The following RGS8 variants were observed in gnomAD, a reference collection of about 807,000 sequenced individuals.
RGS8 encodes the protein regulator of G-protein signaling 8.
RGS8 carries 8 observed loss-of-function variants against 21.7 expected under a neutral mutation model. The ratio of observed to expected loss-of-function variants is 0.37; its 90% CI spans 0.22 to 0.66. The LOEUF (loss-of-function observed/expected upper bound fraction) is 0.66. Ranked by LOEUF, RGS8 falls within the 30% of genes least tolerant of loss-of-function variation. The pLI, the probability that RGS8 is intolerant of heterozygous loss-of-function variation, is 0.59. For synonymous variants in RGS8, 80 were observed against 83.6 expected (o/e 0.96, Z 0.24); for missense variants, 157 against 217.9 (o/e 0.72, Z 1.76).
the RGS8 span, among the ~76,000 whole-genome samples, chr1:182,690,694 A>T: frequency 6.6e-6 from 1 of 152,340 alleles, no homozygotes; most frequent in Admixed American, 6.5e-5. Context: ...ATACCTCGTG[A>T]TTTGATAAAA....
chr1:182,669,277 C>G (rs1664034152), intron 3 of RGS8, among the ~76,000 whole-genome samples: 2 of 152,212 alleles, frequency 1.3e-5, no homozygotes, highest in Admixed American at 1.3e-4. Context: ...TTTCCCTCAT[C>G]TTTCTCCTTT....
chr1:182,752,334 C>T, the RGS8 span, among the ~76,000 whole-genome samples: 1 of 152,180 alleles, frequency 6.6e-6, no homozygotes, highest in African/African-American at 2.4e-5. Flanking sequence ...CGGCCACAGA[C>T]GAGACACAGG....
intron 1 of RGS8, among the ~76,000 whole-genome samples, chr1:182,683,387 C>T (rs1173774868): frequency 6.6e-6 from 1 of 152,170 alleles, no homozygotes; most frequent in African/African-American, 2.4e-5. Context: ...GCCAGCACCT[C>T]CTCCATTTTC....
intron 5 of RGS8, among the ~76,000 whole-genome samples, chr1:182,651,931 G>A (rs1557884242): frequency 6.6e-6 from 1 of 152,220 alleles, no homozygotes; most frequent in African/African-American, 2.4e-5. Flanking sequence ...TCTGAGCAGT[G>A]ACCAGTCCAC....
At chr1:182,695,956 G>C in the RGS8 span, among the ~76,000 whole-genome samples, 1 of 152,182 alleles carries the variant, frequency 6.6e-6, no homozygotes, top group Non-Finnish European at 1.5e-5. Flanking sequence ...CCCATATATA[G>C]TGCTCAATAT....
the RGS8 span, among the ~76,000 whole-genome samples, chr1:182,706,061 C>A: frequency 1.3e-5 from 2 of 152,178 alleles, no homozygotes; most frequent in African/African-American, 4.8e-5. Flanking sequence ...CGGGTCCCCG[C>A]AACCTCTGCC....
the RGS8 span, among the ~76,000 whole-genome samples, chr1:182,713,936 A>G: frequency 0.014 from 2,165 of 152,368 alleles, 62 homozygotes; most frequent in African/African-American, 0.049. Flanking sequence ...AGTACACATT[A>G]TCATGATACC....
upstream of RGS8, among the ~76,000 whole-genome samples, chr1:182,676,632 T>C (rs1208308156): frequency 2.0e-5 from 3 of 152,218 alleles, no homozygotes; most frequent in Non-Finnish European, 4.4e-5. Context: ...AGCATCCACA[T>C]ATTTAATTTG....
At chr1:182,720,958 CATATGTGTGT>C in the RGS8 span, among the ~76,000 whole-genome samples, 9 of 31,682 alleles carry the variant, frequency 2.8e-4, 1 homozygote, top group Admixed American at 7.3e-4. Context: ...TATATACATA[CATATGTGTGT>C]ATATATACAT....
chr1:182,701,974 C>T, the RGS8 span, among the ~76,000 whole-genome samples: 3 of 152,164 alleles, frequency 2.0e-5, no homozygotes, highest in East Asian at 1.9e-4. Context: ...ATAACACTTA[C>T]ACACTATTGG....
intron 1 of RGS8, 90 bp from the exon 3 acceptor site, chr1:182,671,820 A>T: frequency 6.2e-7 from 1 of 1,603,682 alleles, no homozygotes; most frequent in Non-Finnish European, 8.5e-7. Flanking sequence ...ACACACACAC[A>T]TATACACACA....
the RGS8 span, among the ~76,000 whole-genome samples, chr1:182,693,044 A>G: frequency 6.6e-6 from 1 of 152,254 alleles, no homozygotes; most frequent in Non-Finnish European, 1.5e-5. Context: ...AATCTAGGAA[A>G]TATCATTCTG....
intron 4 of RGS8, among the ~76,000 whole-genome samples, 164 bp downstream of exon 5, chr1:182,666,708 G>T (rs1663880131): frequency 6.6e-6 from 1 of 151,198 alleles, no homozygotes; most frequent in South Asian, 2.1e-4. Flanking sequence ...TATACGTTTT[G>T]AAAAGGAAAA....
chr1:182,696,626 A>G, the RGS8 span, among the ~76,000 whole-genome samples: 39 of 152,222 alleles, frequency 2.6e-4, no homozygotes, highest in Admixed American at 6.5e-4. Context: ...CTGGGATTAT[A>G]GGCGTGAGCC....
At chr1:182,729,508 A>G in the RGS8 span, among the ~76,000 whole-genome samples, 2 of 152,368 alleles carry the variant, frequency 1.3e-5, no homozygotes, top group Admixed American at 6.5e-5. Context: ...ATAATAAGTC[A>G]GAATTCTATG....
the RGS8 span, among the ~76,000 whole-genome samples, chr1:182,708,696 A>C: frequency 6.6e-6 from 1 of 152,262 alleles, no homozygotes; most frequent in Non-Finnish European, 1.5e-5. Flanking sequence ...AACCCGGCCA[A>C]GAACAACAGA....
chr1:182,692,006 CTTTT>C, the RGS8 span, among the ~76,000 whole-genome samples: 6 of 138,236 alleles, frequency 4.3e-5, no homozygotes, highest in Admixed American at 2.2e-4. Flanking sequence ...GTTAGCATTT[CTTTT>C]TTTTTTTTTT....
chr1:182,738,275 C>G, the RGS8 span, among the ~76,000 whole-genome samples: 1 of 152,196 alleles, frequency 6.6e-6, no homozygotes, highest in Non-Finnish European at 1.5e-5. Flanking sequence ...AGTTGTTTAA[C>G]TTCTCTGAGC....
chr1:182,675,855 A>G (rs1664339363), upstream of RGS8, among the ~76,000 whole-genome samples: 1 of 152,124 alleles, frequency 6.6e-6, no homozygotes, highest in South Asian at 2.1e-4. Context: ...CTCTCAACTG[A>G]CTGTGTGCTC....
Sources: gnomAD v4.1 joint callset for allele counts (sites outside exome capture counted in the v4.1 genomes callset) on GRCh38, gnomAD v4.1.1 for gene constraint, MANE v1.5 for transcripts, NCBI Gene and HGNC (gene_info 2026-07-23, HGNC 2026-07-21) for gene names.